NAV2: variants seen among roughly 807,000 people sequenced by gnomAD.
The protein encoded by NAV2 is helicase, APC down-regulated 1.
Under a neutral mutation model 223.2 loss-of-function variants are expected in NAV2, and 54 were observed. That is an observed-to-expected ratio of 0.24 (90% CI 0.19 to 0.30). The LOEUF is 0.30. Ranked by LOEUF, NAV2 falls within the 10% of genes least tolerant of loss-of-function variation. The pLI, the probability that NAV2 is intolerant of heterozygous loss-of-function variation, is 1.00. For synonymous variants in NAV2, 1,279 were observed against 1,239.3 expected (o/e 1.03, Z -0.67); for missense variants, 2,806 against 3,147.5 (o/e 0.89, Z 2.60).
chr11:19,448,315 G>A (rs1432416067), intron 1 of NAV2, among the ~76,000 whole-genome samples: 3 of 152,168 alleles, frequency 2.0e-5, no homozygotes, highest in Non-Finnish European at 4.4e-5. Context: ...CGTGGGGTTG[G>A]TACCAATGTA....
At chr11:19,768,306 G>T (rs1382987874) in intron 1 of NAV2, among the ~76,000 whole-genome samples, 3 of 152,118 alleles carry the variant, frequency 2.0e-5, no homozygotes, top group African/African-American at 7.2e-5. Flanking sequence ...TCCTCTGGGG[G>T]CTTCTCATCC....
chr11:19,896,868 T>C (rs1046139080), intron 6 of NAV2, among the ~76,000 whole-genome samples: 1 of 152,214 alleles, frequency 6.6e-6, no homozygotes, highest in African/African-American at 2.4e-5. Context: ...TTGACCCAGC[T>C]ATCCCCATTA....
chr11:19,372,630 A>G (rs1020354535), intron 1 of NAV2, among the ~76,000 whole-genome samples: 2 of 152,176 alleles, frequency 1.3e-5, no homozygotes, highest in Non-Finnish European at 2.9e-5. Context: ...CTTGAAGGAT[A>G]GCACCTAGAA....
chr11:19,798,139 C>T lies in NAV2; in HGVS notation c.268-34345C>T, dbSNP rs117001178. 9.9e-4 allele frequency among the ~76,000 whole-genome samples: 150 copies of T among 152,270 alleles called. 4 individuals carry two copies. In the East Asian group the frequency reaches 0.028, roughly 28 times the overall value. ...GAGCCAACCCAGATCACAGTTGTCT[C>T]CCAGTGAATTGAAGTCCACACCAAA... On this transcript the variant is annotated intron_variant, in intron 1 of 37. Transcript: ENST00000349880.
chr11:20,096,453 G>A (rs2061271569), intron 30 of NAV2, among the ~76,000 whole-genome samples: 1 of 152,120 alleles, frequency 6.6e-6, no homozygotes, highest in Non-Finnish European at 1.5e-5. Flanking sequence ...CATATTCCCT[G>A]AGTAGTAATA....
intron 1 of NAV2, among the ~76,000 whole-genome samples, chr11:19,643,214 T>A (rs1332260041): frequency 6.6e-6 from 1 of 152,218 alleles, no homozygotes; most frequent in African/African-American, 2.4e-5. Context: ...GTGCACAACG[T>A]GCACGTTTGT....
At chr11:19,671,339 G>A (rs1448399079) in intron 1 of NAV2, among the ~76,000 whole-genome samples, 1 of 152,176 alleles carries the variant, frequency 6.6e-6, no homozygotes, top group Non-Finnish European at 1.5e-5. Context: ...TTTACACAGA[G>A]CTTCTTATTT....
chr11:19,982,377 C>G (rs2050378884), intron 10 of NAV2, among the ~76,000 whole-genome samples: 1 of 152,136 alleles, frequency 6.6e-6, no homozygotes, highest in Non-Finnish European at 1.5e-5. Flanking sequence ...AAGTGATTCT[C>G]CTGCCTCAGC....
rs147322171 is a variant in NAV2, at chr11:19,926,076, A to G, written c.932-7100A>G. 4.1e-3 allele frequency among the ~76,000 whole-genome samples: 628 copies of G among 152,298 alleles called. 1 individual carries two copies. The highest frequency in any genetic ancestry group is 0.013 in the African/African-American group (544 of 41,550). On this transcript the variant is annotated intron_variant, in intron 6 of 37. Coordinates refer to ENST00000349880, the MANE Select transcript of NAV2 (RefSeq NM_145117.5). ...TTTTTGGGGGTCCCTTGAGATTCCA[A>G]TGAATTTTAGGATAGATTTCTGTAT...
chr11:19,590,731 C>T (rs1266399619), intron 1 of NAV2, among the ~76,000 whole-genome samples: 1 of 152,208 alleles, frequency 6.6e-6, no homozygotes, highest in Non-Finnish European at 1.5e-5. Flanking sequence ...AGCTCACAAA[C>T]AACCAAATAC....
chr11:19,849,583 GT>G (rs2061000931), intron 3 of NAV2, among the ~76,000 whole-genome samples: 1 of 152,230 alleles, frequency 6.6e-6, no homozygotes, highest in African/African-American at 2.4e-5. Flanking sequence ...TCCAGGCCCA[GT>G]GACCTTGAGC....
In NAV2 at chr11:19,977,986, G is replaced by GTT. The variant is rs145867497; in HGVS notation, c.2646-6132_2646-6131dup. 7.2e-4 allele frequency among the ~76,000 whole-genome samples: 104 copies of GTT among 144,446 alleles called. 2 individuals carry two copies. Among genetic ancestry groups the GTT allele is most frequent in the South Asian group, 3.3e-3 (15 of 4,554 alleles). The allele number at this position is 144,446 out of a possible 152,430, so 94.8% of individuals were successfully genotyped here. A position where few individuals can be genotyped will look rare whatever the true frequency, so the allele number is the denominator to read the frequency against. On this transcript the variant is annotated intron_variant, in intron 10 of 37. Transcript: ENST00000349880. Reference sequence around the variant, plus strand: ...CGCCCAGCTCATTTTGTTTTTTTTTGTTTTTTTTGGTTTTTTTTAGTAGAA... The same window carrying GTT: ...CGCCCAGCTCATTTTGTTTTTTTTTGTTTTTTTTTTGGTTTTTTTTAGTAGAA...
chr11:19,640,902 G>A (rs1379773963), intron 1 of NAV2, among the ~76,000 whole-genome samples: 1 of 152,212 alleles, frequency 6.6e-6, no homozygotes, highest in Non-Finnish European at 1.5e-5. Context: ...AGACACCAGG[G>A]ATGTTTAACC....
intron 1 of NAV2, among the ~76,000 whole-genome samples, chr11:19,661,888 G>C (rs2135735313): frequency 6.6e-6 from 1 of 152,318 alleles, no homozygotes; most frequent in East Asian, 1.9e-4. Flanking sequence ...ATTAGTGGTA[G>C]AAGTCAAATT....
At chr11:19,584,364 G>A (rs1041579292) in intron 1 of NAV2, among the ~76,000 whole-genome samples, 2 of 152,116 alleles carry the variant, frequency 1.3e-5, no homozygotes, top group Non-Finnish European at 2.9e-5. Flanking sequence ...AGGGTCTTTT[G>A]TGTCTCTATT....
intron 1 of NAV2, among the ~76,000 whole-genome samples, chr11:19,603,785 C>T (rs1403832428): frequency 6.6e-6 from 1 of 151,856 alleles, no homozygotes; most frequent in African/African-American, 2.4e-5. Context: ...AATAAGAACT[C>T]AAAAGGAAAA....
In NAV2 at chr11:19,689,760, T is replaced by C. The variant is rs547794114; in HGVS notation, c.76-142724T>C. On this transcript the variant is annotated intron_variant, in intron 1 of 37. Transcript: ENST00000360655. ...CACTGGCATCAGCCTTGCCAAAGCA[T>C]GTGTTTGCAGGGTTTTGGTGTCACT... Among the ~76,000 whole-genome samples, 27 of 152,314 alleles carry C rather than the reference T, an allele frequency of 1.8e-4. 1 individual carries two copies. The South Asian group carries it at 4.4e-3, about 25-fold the overall frequency.
intron 1 of NAV2, among the ~76,000 whole-genome samples, chr11:19,722,191 A>T (rs1283464779): frequency 1.3e-5 from 2 of 152,322 alleles, no homozygotes; most frequent in Middle Eastern, 3.4e-3. Context: ...TTGTTCTTTC[A>T]TGAGAATGGT....
chr11:19,578,662 C>T (rs2045632766), intron 1 of NAV2, among the ~76,000 whole-genome samples: 1 of 152,238 alleles, frequency 6.6e-6, no homozygotes, highest in Non-Finnish European at 1.5e-5. Flanking sequence ...GAATTTAACA[C>T]TTATTTGTGC....
Sources: gnomAD v4.1 joint callset for allele counts (sites outside exome capture counted in the v4.1 genomes callset) on GRCh38, gnomAD v4.1.1 for gene constraint, MANE v1.5 for transcripts, NCBI Gene and HGNC (gene_info 2026-07-23, HGNC 2026-07-21) for gene names.